ST3GAL1: variants seen among roughly 807,000 people sequenced by gnomAD.
ST3GAL1 encodes the protein CMP-N-acetylneuraminate-beta-galactosamide-alpha-2,3-sialyltransferase 1.
Under a neutral mutation model 34.1 loss-of-function variants are expected in ST3GAL1, and 16 were observed. The observed-to-expected ratio is 0.47, with a 90% confidence interval of 0.32 to 0.71. The LOEUF (loss-of-function observed/expected upper bound fraction) is 0.71, where lower values mean the gene tolerates loss of function less well. ST3GAL1 is among the 30% of genes least tolerant of loss of function. The pLI is 0.04. For synonymous variants in ST3GAL1, 191 were observed against 184.7 expected (o/e 1.03, Z -0.28); for missense variants, 353 against 447.4 (o/e 0.79, Z 1.90).
intron 2 of ST3GAL1, among the ~76,000 whole-genome samples, chr8:133,505,558 CT>C (rs772371345): frequency 1.3e-4 from 19 of 151,964 alleles, no homozygotes; most frequent in Non-Finnish European, 2.6e-4. Flanking sequence ...TGTCACAGTT[CT>C]TTATATCTAC....
intron 3 of ST3GAL1, among the ~76,000 whole-genome samples, chr8:133,491,830 T>C (rs1047530030): frequency 1.3e-5 from 2 of 152,066 alleles, no homozygotes; most frequent in African/African-American, 2.4e-5. Context: ...CGGTGTCCAG[T>C]TGGATCACAG....
chr8:133,552,444 G>T (rs1818890408), intron 1 of ST3GAL1, among the ~76,000 whole-genome samples: 1 of 152,216 alleles, frequency 6.6e-6, no homozygotes, highest in Non-Finnish European at 1.5e-5. Flanking sequence ...CGTTGGCTGG[G>T]CTGCATGTCG....
At chr8:133,564,818 G>A (rs916827216) in intron 1 of ST3GAL1, among the ~76,000 whole-genome samples, 8 of 152,216 alleles carry the variant, frequency 5.3e-5, no homozygotes, top group African/African-American at 1.7e-4. Context: ...AGAGGAAGCT[G>A]AGACATAGAA....
At chr8:133,503,696 G>A (rs144703099) in intron 2 of ST3GAL1, among the ~76,000 whole-genome samples, 54 of 152,282 alleles carry the variant, frequency 3.5e-4, no homozygotes, top group African/African-American at 1.3e-3. Context: ...CGTTAACAAG[G>A]ACTTTCCTGA....
At chr8:133,460,201 C>A (rs775387411) in intron 9 of ST3GAL1, among the ~76,000 whole-genome samples, 5 of 152,142 alleles carry the variant, frequency 3.3e-5, no homozygotes, top group Non-Finnish European at 7.3e-5. Context: ...CTCAGGGGCC[C>A]GGGTCTTACC....
At chr8:133,489,102 C>T (rs1563709659) in intron 3 of ST3GAL1, among the ~76,000 whole-genome samples, 9 of 152,158 alleles carry the variant, frequency 5.9e-5, no homozygotes. Flanking sequence ...GTCCTCTTGT[C>T]CCTTCAGCCC....
At chr8:133,486,797 C>T (rs1026353439) in intron 3 of ST3GAL1, among the ~76,000 whole-genome samples, 13 of 152,210 alleles carry the variant, frequency 8.5e-5, no homozygotes, top group African/African-American at 1.2e-4. Flanking sequence ...ACAGCAGCCA[C>T]GGAGCACAGC....
At chr8:133,563,160 C>T (rs1478204874) in intron 1 of ST3GAL1, among the ~76,000 whole-genome samples, 1 of 152,048 alleles carries the variant, frequency 6.6e-6, no homozygotes, top group Non-Finnish European at 1.5e-5. Context: ...TATTACAGTG[C>T]TATCTATTGC....
In ST3GAL1 at chr8:133,463,403, C is replaced by A. The variant is rs1238620214; in HGVS notation, c.729+11G>T. The A allele has an allele frequency of 2.5e-6, 4 of 1,613,890 alleles. No individual in the cohort carries two copies. The highest frequency in any genetic ancestry group is 3.4e-6 in the Non-Finnish European group (4 of 1,179,960). On this transcript the variant is annotated intron_variant, in intron 8 of 9. Transcript: ENST00000522652. ...TGAACTTAGAACAGAGGGGCCGGGG[C>A]CTCCACTCACCTTATCCTGTTTCAC...
chr8:133,510,830 CCA>C (rs1817481020), intron 2 of ST3GAL1, among the ~76,000 whole-genome samples: 1 of 152,152 alleles, frequency 6.6e-6, no homozygotes, highest in Admixed American at 6.5e-5. Context: ...CCCATGGTGG[CCA>C]CCATAAGCTG....
intron 5 of ST3GAL1, among the ~76,000 whole-genome samples, chr8:133,471,361 C>T (rs931507551): frequency 6.6e-6 from 1 of 152,066 alleles, no homozygotes. Flanking sequence ...CAGGTTAGCG[C>T]CGGGACAGGC....
rs956333121 is a variant in ST3GAL1, at chr8:133,511,978, G to A, written c.-428-12789C>T. ...TGAGGCAGGAGGATCGCTTGAACCC[G>A]GGAGGCAGAGGTTGCAGTGAGCTGA... On this transcript the variant is annotated intron_variant, in intron 2 of 9. Coordinates refer to ENST00000522652, the MANE Select transcript of ST3GAL1 (RefSeq NM_173344.3). 5.3e-5 allele frequency among the ~76,000 whole-genome samples: 8 copies of A among 152,220 alleles called. No individual in the cohort carries two copies. In the South Asian group the frequency reaches 1.2e-3, roughly 24 times the overall value.
intron 2 of ST3GAL1, among the ~76,000 whole-genome samples, chr8:133,526,158 T>G (rs1201220630): frequency 1.3e-5 from 2 of 152,188 alleles, no homozygotes; most frequent in African/African-American, 4.8e-5. Context: ...TTAGGAAAGT[T>G]GGGTCAGGCT....
Position 133,461,756 on chromosome 8 carries a change from A to G in ST3GAL1, c.849+119T>C, listed in dbSNP as rs546594296. 4.9e-6 allele frequency: 7 copies of G among 1,425,118 alleles called. No homozygotes were observed. In the East Asian group the frequency reaches 6.9e-5, roughly 14 times the overall value. 88.3% of individuals were successfully genotyped at this position (1,425,118 alleles called of 1,614,324 possible). A position where few individuals can be genotyped will look rare whatever the true frequency, so the allele number is the denominator to read the frequency against. On this transcript the variant is annotated intron_variant, in intron 9 of 9. Transcript: ENST00000522652. The surrounding 1 kb of genome is among the most constrained non-coding windows in gnomAD (Gnocchi z 4.7). Reference sequence around the variant, plus strand: ...GCAAGTCCTGTCGTAGAGACAGGGAATCCGAGCTTCCGGAAGAGGCAGGCT... The same window carrying G: ...GCAAGTCCTGTCGTAGAGACAGGGAGTCCGAGCTTCCGGAAGAGGCAGGCT...
At chr8:133,463,271 C>T in intron 8 of ST3GAL1, 143 bp downstream of exon 8, 1 of 898,864 alleles carries the variant, frequency 1.1e-6, no homozygotes, top group Non-Finnish European at 1.7e-6. Flanking sequence ...CCTCTTCCCC[C>T]AGGGGGATAG....
At chr8:133,522,080 C>T (rs1817828182) in intron 2 of ST3GAL1, among the ~76,000 whole-genome samples, 1 of 152,212 alleles carries the variant, frequency 6.6e-6, no homozygotes, top group South Asian at 2.1e-4. Context: ...AGCAGCCCAA[C>T]TCTGGGCAGA....
intron 1 of ST3GAL1, among the ~76,000 whole-genome samples, chr8:133,564,067 C>G (rs535830180): frequency 6.6e-6 from 1 of 152,304 alleles, no homozygotes; most frequent in Admixed American, 6.5e-5. Flanking sequence ...CTGTGTGTCT[C>G]TTGTTTAATT....
At chr8:133,544,458 C>G (rs564786591) in intron 2 of ST3GAL1, among the ~76,000 whole-genome samples, 3 of 152,208 alleles carry the variant, frequency 2.0e-5, no homozygotes, top group Non-Finnish European at 2.9e-5. Context: ...AACCTATGAC[C>G]ATAACCAGGA....
intron 2 of ST3GAL1, among the ~76,000 whole-genome samples, chr8:133,541,784 T>C (rs1313226680): frequency 1.3e-5 from 2 of 152,176 alleles, no homozygotes; most frequent in Non-Finnish European, 2.9e-5. Flanking sequence ...TTTCAGAGTC[T>C]TGGTTTGCTC....
Sources: gnomAD v4.1 joint callset for allele counts (sites outside exome capture counted in the v4.1 genomes callset) on GRCh38, gnomAD v4.1.1 for gene constraint, Gnocchi (gnomAD v3.1) non-coding constraint, MANE v1.5 for transcripts, NCBI Gene and HGNC (gene_info 2026-07-23, HGNC 2026-07-21) for gene names.